Variants in CABLES1 observed in about 807,000 individuals in gnomAD.
The protein encoded by CABLES1 is Cdk5 and Abl enzyme substrate 1.
CABLES1 carries 36 observed loss-of-function variants against 57.8 expected under a neutral mutation model. The observed-to-expected ratio is 0.62, with a 90% CI of 0.48 to 0.82. CABLES1 has a LOEUF of 0.82. Among genes scored for constraint, CABLES1 ranks in the 40% least tolerant of loss-of-function variants. The probability of loss-of-function intolerance (pLI) is 0.00; values close to 1 mark genes in which losing one functional copy is unlikely to be tolerated. For synonymous variants in CABLES1, 374 were observed against 363.0 expected (o/e 1.03, Z -0.35); for missense variants, 767 against 836.6 (o/e 0.92, Z 1.03).
chr18:23,154,414 G>C (rs1461969814), intron 1 of CABLES1, among the ~76,000 whole-genome samples: 1 of 152,094 alleles, frequency 6.6e-6, no homozygotes, highest in Non-Finnish European at 1.5e-5. Flanking sequence ...ATCATCTACC[G>C]AGCCATAGGG....
At chr18:23,171,676 C>T (rs1448669282) in intron 1 of CABLES1, among the ~76,000 whole-genome samples, 1 of 151,970 alleles carries the variant, frequency 6.6e-6, no homozygotes, top group Non-Finnish European at 1.5e-5. Flanking sequence ...TTTCCAAGAC[C>T]CCTGCCACCC....
chr18:23,248,156 G>T (rs904856344), intron 7 of CABLES1, among the ~76,000 whole-genome samples: 1 of 152,266 alleles, frequency 6.6e-6, no homozygotes, highest in Non-Finnish European at 1.5e-5. Flanking sequence ...GGCTCTCAGG[G>T]GTCCTCTAAA....
Position 23,239,354 on chromosome 18 carries a change from G to T in CABLES1, c.1446+2109G>T, listed in dbSNP as rs557272865. On this transcript the variant is annotated intron_variant, in intron 7 of 9. Coordinates refer to ENST00000256925, the MANE Select transcript of CABLES1 (RefSeq NM_001100619.3). ...CGCATGGACTGCATTTTCCTGGTCG[G>T]CTCCTGGAGACCTATGTTTCCTATT... Among the ~76,000 whole-genome samples, 8 of 152,334 alleles carry T rather than the reference G, an allele frequency of 5.3e-5. No homozygotes were observed. The South Asian group carries it at 1.4e-3, about 28-fold the overall frequency.
chr18:23,184,983 C>T (rs2145010276), intron 1 of CABLES1, among the ~76,000 whole-genome samples: 1 of 152,270 alleles, frequency 6.6e-6, no homozygotes, highest in East Asian at 1.9e-4. Context: ...GTTATGATTT[C>T]AACACGTGAA....
At chr18:23,151,949 C>T (rs2046933665) in intron 1 of CABLES1, among the ~76,000 whole-genome samples, 1 of 152,108 alleles carries the variant, frequency 6.6e-6, no homozygotes, top group Admixed American at 6.5e-5. Flanking sequence ...TGAACGGACT[C>T]AACAGAGATG....
At chr18:23,203,448 T>A (rs2047340239) in intron 3 of CABLES1, among the ~76,000 whole-genome samples, 1 of 143,230 alleles carries the variant, frequency 7.0e-6, no homozygotes. Context: ...TATGAACCAA[T>A]AGGATATGTT....
intron 2 of CABLES1, among the ~76,000 whole-genome samples, chr18:23,191,321 T>G (rs2047241500): frequency 2.0e-5 from 3 of 152,186 alleles, no homozygotes; most frequent in African/African-American, 7.2e-5. Context: ...AGGAGTTATA[T>G]TAGCATGATG....
At chr18:23,202,649 G>A (rs2047333617) in intron 3 of CABLES1, among the ~76,000 whole-genome samples, 1 of 152,226 alleles carries the variant, frequency 6.6e-6, no homozygotes, top group African/African-American at 2.4e-5. Flanking sequence ...GGCCAGGAAG[G>A]ACTGACGCAT....
chr18:23,254,804 T>A (rs1231845916), intron 9 of CABLES1, among the ~76,000 whole-genome samples: 1 of 152,160 alleles, frequency 6.6e-6, no homozygotes, highest in Non-Finnish European at 1.5e-5. Flanking sequence ...CATCTAGACC[T>A]AATCACTCCC....
At chr18:23,221,783 TGGG>T (rs1267256353) in intron 4 of CABLES1, among the ~76,000 whole-genome samples, 4 of 152,178 alleles carry the variant, frequency 2.6e-5, no homozygotes, top group Non-Finnish European at 2.9e-5. Context: ...AACAGTTACC[TGGG>T]TATCATGAGC....
chr18:23,247,546 A>G (rs8087435), intron 7 of CABLES1, among the ~76,000 whole-genome samples: 18,827 of 152,244 alleles, frequency 0.12, 1,293 homozygotes, highest in Middle Eastern at 0.23. Flanking sequence ...AGGACACGGA[A>G]CAGCCCCACA....
At chr18:23,134,870 C>G (rs1388685286), upstream of CABLES1, among the ~76,000 whole-genome samples, 1 of 152,112 alleles carries the variant, frequency 6.6e-6, no homozygotes, top group Non-Finnish European at 1.5e-5. Flanking sequence ...TGCATTTATC[C>G]CGGGGGCTGC....
At chr18:23,137,967 G>A (rs2046834257) in intron 1 of CABLES1, among the ~76,000 whole-genome samples, 1 of 152,234 alleles carries the variant, frequency 6.6e-6, no homozygotes, top group Non-Finnish European at 1.5e-5. Context: ...AGGGCAGGGA[G>A]GTGGTATCCC....
intron 1 of CABLES1, among the ~76,000 whole-genome samples, chr18:23,158,532 GC>G (rs2046980738): frequency 6.6e-6 from 1 of 152,178 alleles, no homozygotes; most frequent in Non-Finnish European, 1.5e-5. Flanking sequence ...ATCGTACACA[GC>G]CAGTAAGGGA....
intron 3 of CABLES1, among the ~76,000 whole-genome samples, chr18:23,206,684 C>T (rs1019209627): frequency 6.6e-6 from 1 of 152,184 alleles, no homozygotes; most frequent in African/African-American, 2.4e-5. Flanking sequence ...CTTTTACAGT[C>T]TTGGTCATTC....
At chr18:23,155,659 AAC>A (rs2046960457) in intron 1 of CABLES1, among the ~76,000 whole-genome samples, 4 of 152,178 alleles carry the variant, frequency 2.6e-5, no homozygotes, top group Admixed American at 2.0e-4. Context: ...CTCAGGGAGA[AAC>A]ACAAGGGTAT....
chr18:23,135,845 T>TGCA lies in CABLES1; in HGVS notation c.89_91dup (p.Gln30dup), dbSNP rs921023034. ...ACCGACGCCGCGGGCGCCAGCGGAT[T>TGCA]GCAGCAGCCGCCGCCGCAGCCCCAG... On this transcript the variant is annotated inframe_insertion, in exon 1 of 10. Coordinates refer to ENST00000256925, the MANE Select transcript of CABLES1 (RefSeq NM_001100619.3). The TGCA allele has an allele frequency of 2.0e-6, 2 of 988,596 alleles. No homozygotes were observed. The highest frequency in any genetic ancestry group is 6.0e-5 in the Admixed American group (1 of 16,582). 61.2% of individuals were successfully genotyped at this position (988,596 alleles called of 1,614,324 possible). A position where few individuals can be genotyped will look rare whatever the true frequency, so the allele number is the denominator to read the frequency against.
At chr18:23,155,688 A>C in intron 1 of CABLES1, 1 of 642,402 alleles carries the variant, frequency 1.6e-6, no homozygotes, top group East Asian at 3.2e-5. Flanking sequence ...CTGGGGCGGC[A>C]GGACCTCATG....
chr18:23,136,393 G>A lies in CABLES1; in HGVS notation c.631G>A (p.Asp211Asn), dbSNP rs2046821558. 1.9e-6 allele frequency: 3 copies of A among 1,582,406 alleles called. No homozygotes were observed. Among genetic ancestry groups the A allele is most frequent in the Non-Finnish European group, 2.6e-6 (3 of 1,166,336 alleles). ...GAAGQEELEEDDAFISVQVPA... is the reference protein window; with the variant it reads ...GAAGQEELEENDAFISVQVPA... Reference sequence around the variant, plus strand: ...CGCCGGGCAGGAGGAGTTGGAGGAGGACGATGCCTTTATCAGCGTGCAGGT... The same window carrying A: ...CGCCGGGCAGGAGGAGTTGGAGGAGAACGATGCCTTTATCAGCGTGCAGGT... The change falls in exon 1 of 10, where the codon GAC (aspartate) becomes AAC (asparagine). Residue 211 changes from aspartate to asparagine, a missense_variant. Asp to Asn is a conservative substitution (Grantham distance 23). This residue lies in a region of CABLES1 where 529 missense variants were observed against 622.8 expected (regional missense o/e 0.85). Coordinates refer to ENST00000256925, the MANE Select transcript of CABLES1 (RefSeq NM_001100619.3).
Sources: allele counts gnomAD v4.1 joint callset (sites outside exome capture counted in the v4.1 genomes callset), GRCh38; gene constraint gnomAD v4.1.1; regional missense constraint gnomAD v4.1.1; transcripts MANE v1.5; gene names NCBI Gene and HGNC (gene_info 2026-07-23, HGNC 2026-07-21).